DIO2: variants seen among roughly 807,000 people sequenced by gnomAD.
DIO2 encodes the protein type II iodothyronine deiodinase.
A neutral mutation model predicts 21.4 loss-of-function variants in DIO2; 19 were observed. That is an observed-to-expected ratio of 0.89 (90% CI 0.62 to 1.30). DIO2 has a LOEUF of 1.30. Among genes scored for constraint, DIO2 ranks in the 50% most tolerant of loss-of-function variants. DIO2 has a pLI of 0.00. For synonymous variants in DIO2, 122 were observed against 132.9 expected (o/e 0.92, Z 0.57); for missense variants, 302 against 338.1 (o/e 0.89, Z 0.84).
chr14:80,202,666 T>C lies in DIO2; in HGVS notation c.*23A>G, dbSNP rs151008680. 1,883 of 1,573,248 alleles carry C rather than the reference T, an allele frequency of 1.2e-3. 9 individuals carry two copies. Among genetic ancestry groups the C allele is most frequent in the Non-Finnish European group, 1.5e-3 (1,749 of 1,159,610 alleles). The stretch of plus-strand genomic sequence containing the variant: ...GCCTTTATATAACTTTTTAAAACAA[T>C]AAGCTCTCTTATAATCATACCTTTA... On this transcript the variant is annotated 3_prime_UTR_variant, in exon 2 of 2. Coordinates refer to ENST00000438257, the MANE Select transcript of DIO2 (RefSeq NM_013989.5).
intron 2 of DIO2, among the ~76,000 whole-genome samples, chr14:80,225,355 C>G (rs1566669012): frequency 6.6e-6 from 1 of 152,146 alleles, no homozygotes; most frequent in South Asian, 2.1e-4. Context: ...ATACAACTCT[C>G]CTTCCTACAA....
At chr14:80,218,587 T>C (rs1468891183) in intron 2 of DIO2, among the ~76,000 whole-genome samples, 1 of 152,196 alleles carries the variant, frequency 6.6e-6, no homozygotes, top group East Asian at 1.9e-4. Flanking sequence ...CTAAGTTTCC[T>C]GGACCAGAAA....
chr14:80,217,190 G>A (rs1233734327), intron 2 of DIO2, among the ~76,000 whole-genome samples: 1 of 152,208 alleles, frequency 6.6e-6, no homozygotes, highest in Non-Finnish European at 1.5e-5. Context: ...TGTTTGGTAA[G>A]AGGATAAAAT....
Position 80,202,518 on chromosome 14 carries a change from C to T in DIO2, c.*171G>A, listed in dbSNP as rs917649378. On this transcript the variant is annotated 3_prime_UTR_variant, in exon 2 of 2. Coordinates refer to ENST00000438257, the MANE Select transcript of DIO2 (RefSeq NM_013989.5). The stretch of plus-strand genomic sequence containing the variant: ...TATGGTTACTTACTCAGCCCAATGC[C>T]ATTTGAGTAGTGAAAGAAGTATGGA... 1.3e-6 allele frequency: 1 copy of T among 749,786 alleles called. No homozygotes were observed. Among genetic ancestry groups the T allele is most frequent in the Non-Finnish European group, 2.2e-6 (1 of 452,564 alleles). The allele number at this position is 749,786 out of a possible 1,614,324, so 46.4% of individuals were successfully genotyped here. A position where few individuals can be genotyped will look rare whatever the true frequency, so the allele number is the denominator to read the frequency against.
intron 1 of DIO2, 145 bp downstream of exon 1, chr14:80,211,106 G>A: frequency 1.4e-6 from 1 of 695,136 alleles, no homozygotes; most frequent in South Asian, 1.9e-5. Flanking sequence ...AACAGGTGTG[G>A]AAAGTAAACT....
upstream of DIO2, among the ~76,000 whole-genome samples, chr14:80,214,110 T>C (rs1179744020): frequency 5.9e-5 from 9 of 152,208 alleles, no homozygotes; most frequent in Non-Finnish European, 8.8e-5. Context: ...CTGGTGGAGA[T>C]GTGAAAGCTA....
At position 80,211,473 on chromosome 14, in the gene DIO2, C is replaced by T; in HGVS notation, c.-1G>A. ...GCAAGTCTACGCTGAGGATGCCCATCTTCTCTGCCTCCTGAGTCAGTTCCC... is the reference window on the plus strand; with the variant it reads ...GCAAGTCTACGCTGAGGATGCCCATTTTCTCTGCCTCCTGAGTCAGTTCCC... On this transcript the variant is annotated 5_prime_UTR_variant, in exon 1 of 2. Transcript: ENST00000438257. 1.3e-6 allele frequency: 2 copies of T among 1,593,068 alleles called. No individual in the cohort carries two copies. Among genetic ancestry groups the T allele is most frequent in the Non-Finnish European group, 8.6e-7 (1 of 1,168,846 alleles).
intron 1 of DIO2, among the ~76,000 whole-genome samples, chr14:80,210,730 C>T (rs1232728524): frequency 1.3e-5 from 2 of 152,164 alleles, no homozygotes; most frequent in Non-Finnish European, 1.5e-5. Flanking sequence ...AGAAACCAAG[C>T]AGCTATGATG....
chr14:80,223,291 A>G (rs75449041), intron 2 of DIO2, among the ~76,000 whole-genome samples: 488 of 152,344 alleles, frequency 3.2e-3, no homozygotes, highest in Non-Finnish European at 5.1e-3. Context: ...CTTAACATAT[A>G]GCCCCTGGAT....
chr14:80,204,214 AT>A (rs1226622876), intron 1 of DIO2, among the ~76,000 whole-genome samples: 3 of 152,284 alleles, frequency 2.0e-5, no homozygotes, highest in East Asian at 1.9e-4. Context: ...TAAAAAAAAA[AT>A]AAAAACAGAC....
rs1224586309 is a variant in DIO2 at position 80,200,591 on chromosome 14, A to G, written c.*2098T>C. On this transcript the variant is annotated 3_prime_UTR_variant, in exon 2 of 2. Coordinates refer to ENST00000438257, the MANE Select transcript of DIO2 (RefSeq NM_013989.5). ...TTTGAGGTTAAAAATCAATGGGGGC[A>G]GAGATAAGCCTTGAATGTAGAAGTT... 2.0e-5 allele frequency: 3 copies of G among 152,240 alleles called. No individual in the cohort carries two copies. The highest frequency in any genetic ancestry group is 2.9e-5 in the Non-Finnish European group (2 of 68,042). 9.4% of individuals were successfully genotyped at this position (152,240 alleles called of 1,614,324 possible).
Position 80,202,751 on chromosome 14 carries a change from C to G in DIO2, c.760G>C (p.Val254Leu). 1 of 1,613,924 alleles carries G rather than the reference C, an allele frequency of 6.2e-7. No homozygotes were observed. The highest frequency in any genetic ancestry group is 8.5e-7 in the Non-Finnish European group (1 of 1,179,870). ...KGPFSYNLQE[V>L]RHWLEKNFSK... ...AAATTCTTCTCCAGCCAATGCCGGACTTCTTGAAGGTTGTAGGAGAAGGGG... is the reference window on the plus strand; with the variant it reads ...AAATTCTTCTCCAGCCAATGCCGGAGTTCTTGAAGGTTGTAGGAGAAGGGG... The change falls in exon 2 of 2, where the codon GTC (valine) becomes CTC (leucine). Residue 254 changes from valine (V) to leucine (L), a missense_variant. Coordinates refer to ENST00000438257, the MANE Select transcript of DIO2 (RefSeq NM_013989.5).
chr14:80,222,816 G>T (rs1888491797), intron 2 of DIO2, among the ~76,000 whole-genome samples: 1 of 151,142 alleles, frequency 6.6e-6, no homozygotes, highest in Non-Finnish European at 1.5e-5. Flanking sequence ...GTTATTTATT[G>T]GTGAAATGTA....
chr14:80,219,759 A>G (rs1189310571), intron 2 of DIO2, among the ~76,000 whole-genome samples: 1 of 152,210 alleles, frequency 6.6e-6, no homozygotes, highest in Non-Finnish European at 1.5e-5. Context: ...AATCTGTGTG[A>G]AGCCAGAGTC....
intron 1 of DIO2, chr14:80,206,372 GGAA>G: frequency 8.3e-7 from 1 of 1,203,738 alleles, no homozygotes; most frequent in African/African-American, 1.6e-5. Flanking sequence ...TTTTAGATAT[GGAA>G]GTTTCCTTTA....
chr14:80,209,717 T>C (rs1421093118), intron 1 of DIO2, among the ~76,000 whole-genome samples: 1 of 152,218 alleles, frequency 6.6e-6, no homozygotes, highest in Non-Finnish European at 1.5e-5. Flanking sequence ...CATAAAAGAA[T>C]TTCCATCTAC....
rs1162158235 is a variant in DIO2 at position 80,200,289 on chromosome 14, T to G, written c.*2400A>C. The G allele has an allele frequency of 2.0e-5, 3 of 152,610 alleles. No individual in the cohort carries two copies. Among genetic ancestry groups the G allele is most frequent in the Non-Finnish European group, 4.4e-5 (3 of 68,040 alleles). 9.5% of individuals were successfully genotyped at this position (152,610 alleles called of 1,614,324 possible). A position where few individuals can be genotyped will look rare whatever the true frequency, so the allele number is the denominator to read the frequency against. On this transcript the variant is annotated 3_prime_UTR_variant, in exon 2 of 2. Coordinates refer to ENST00000438257, the MANE Select transcript of DIO2 (RefSeq NM_013989.5). ...TCTATGTTTCCTTCCTCTGCTTCAT[T>G]TCTCCATTGGGCTAACCTCAGGGAG...
At chr14:80,207,487 A>G (rs1429238810) in intron 1 of DIO2, among the ~76,000 whole-genome samples, 1 of 152,186 alleles carries the variant, frequency 6.6e-6, no homozygotes, top group East Asian at 1.9e-4. Flanking sequence ...TCATAACAGA[A>G]ACTAAAGCAA....
intron 1 of DIO2, among the ~76,000 whole-genome samples, chr14:80,211,012 T>C (rs1888161422): frequency 6.6e-6 from 1 of 152,220 alleles, no homozygotes; most frequent in African/African-American, 2.4e-5. Context: ...AAGATATTAA[T>C]AACCCTTAGT....
Sources: gnomAD v4.1 joint callset for allele counts (sites outside exome capture counted in the v4.1 genomes callset) on GRCh38, gnomAD v4.1.1 for gene constraint, MANE v1.5 for transcripts, NCBI Gene and HGNC (gene_info 2026-07-23, HGNC 2026-07-21) for gene names.